Variants in NLRP5 observed in about 807,000 individuals in gnomAD.
NLRP5 encodes NACHT, LRR and PYD domains-containing protein 5.
Under a neutral mutation model 113.1 loss-of-function variants are expected in NLRP5, and 93 were observed. The observed-to-expected ratio is 0.82, with a 90% CI of 0.70 to 0.98. The LOEUF (loss-of-function observed/expected upper bound fraction) is 0.98, where lower values mean the gene tolerates loss of function less well. NLRP5 is among the 50% of genes least tolerant of loss of function. The pLI is 0.00. For missense variants in NLRP5, 1,808 were observed against 1,514.3 expected (o/e 1.19, Z -3.22); for synonymous variants, 751 against 600.7 (o/e 1.25, Z -3.66).
chr19:55,991,518 AG>A, the NLRP5 span, among the ~76,000 whole-genome samples: 16 of 151,536 alleles, frequency 1.1e-4, no homozygotes, highest in Middle Eastern at 6.8e-3. Flanking sequence ...CGCATTTTAA[AG>A]CTCTCAAAAC....
chr19:56,010,620 G>A (rs1482652288), intron 3 of NLRP5, among the ~76,000 whole-genome samples: 4 of 151,502 alleles, frequency 2.6e-5, no homozygotes, highest in Non-Finnish European at 5.9e-5. Context: ...AGGCGTGGTG[G>A]CATGTGCCCG....
the NLRP5 span, among the ~76,000 whole-genome samples, chr19:55,991,552 T>C: frequency 1.3e-5 from 2 of 152,226 alleles, no homozygotes; most frequent in Admixed American, 6.5e-5. Context: ...TTCTAAATTA[T>C]GCATGTTTTA....
At chr19:56,017,318 T>C (rs146076287) in intron 4 of NLRP5, among the ~76,000 whole-genome samples, 2 of 151,832 alleles carry the variant, frequency 1.3e-5, no homozygotes, top group African/African-American at 4.9e-5. Context: ...TCTGCCTGTT[T>C]TGGGGTGAGT....
intron 14 of NLRP5, among the ~76,000 whole-genome samples, chr19:56,059,691 C>A (rs562278424): frequency 6.6e-6 from 1 of 152,090 alleles, no homozygotes; most frequent in East Asian, 1.9e-4. Flanking sequence ...CGTGCCACCA[C>A]GCCCAGCTAA....
chr19:56,003,253 G>A (rs1981725626), intron 1 of NLRP5, among the ~76,000 whole-genome samples: 1 of 152,202 alleles, frequency 6.6e-6, no homozygotes, highest in South Asian at 2.1e-4. Context: ...CCAGATTCAA[G>A]CGATTCTCCT....
chr19:56,026,640 G>A (rs1159909854), intron 6 of NLRP5, among the ~76,000 whole-genome samples: 1 of 150,370 alleles, frequency 6.7e-6, no homozygotes, highest in Non-Finnish European at 1.5e-5. Context: ...GTGCAGTGGT[G>A]TAATCTCAGC....
intron 6 of NLRP5, among the ~76,000 whole-genome samples, chr19:56,025,486 A>G (rs957438028): frequency 1.3e-4 from 20 of 151,932 alleles, no homozygotes; most frequent in African/African-American, 4.8e-4. Context: ...GCTCGCTGCA[A>G]GCTCCACCTT....
chr19:56,024,355 A>C (rs1015613999), intron 6 of NLRP5, among the ~76,000 whole-genome samples: 2 of 142,928 alleles, frequency 1.4e-5, no homozygotes, highest in South Asian at 4.5e-4. Flanking sequence ...AAAAAAAAAA[A>C]AGAACAAATA....
the NLRP5 span, among the ~76,000 whole-genome samples, chr19:55,987,255 A>G: frequency 6.6e-6 from 1 of 152,168 alleles, no homozygotes; most frequent in Non-Finnish European, 1.5e-5. Context: ...CTATAATCCC[A>G]CCTTCTAGGG....
At chr19:56,025,546 C>T (rs1172886751) in intron 6 of NLRP5, among the ~76,000 whole-genome samples, 4 of 150,130 alleles carry the variant, frequency 2.7e-5, no homozygotes, top group Non-Finnish European at 5.9e-5. Context: ...GCTGGCATTA[C>T]AGGCGCCCGC....
chr19:56,021,654 C>T (rs554501059), intron 6 of NLRP5, among the ~76,000 whole-genome samples: 3 of 152,180 alleles, frequency 2.0e-5, no homozygotes, highest in South Asian at 2.1e-4. Context: ...ATCAGCACTT[C>T]GTTTTTGTTG....
At chr19:55,992,674 G>C in the NLRP5 span, among the ~76,000 whole-genome samples, 1 of 152,114 alleles carries the variant, frequency 6.6e-6, no homozygotes, top group African/African-American at 2.4e-5. Context: ...ATTGTCTACA[G>C]CTACTTTCCC....
intron 3 of NLRP5, among the ~76,000 whole-genome samples, chr19:56,009,731 T>C (rs62120413): frequency 0.39 from 58,978 of 151,964 alleles, 11,637 homozygotes; most frequent in Admixed American, 0.42. Flanking sequence ...CCTGCGCCGC[T>C]ACCATCTTGC....
chr19:56,046,399 C>CGTGTGTGTGTGTGTGTGT (rs139653516), intron 11 of NLRP5, among the ~76,000 whole-genome samples: 1,839 of 148,150 alleles, frequency 0.012, 21 homozygotes, highest in African/African-American at 0.022. Context: ...TTTGTAGTTT[C>CGTGTGTGTGTGTGTGTGT]GTGTGTGTGT....
intron 13 of NLRP5, among the ~76,000 whole-genome samples, chr19:56,057,818 G>A (rs964196303): frequency 6.6e-6 from 1 of 152,092 alleles, no homozygotes; most frequent in Admixed American, 6.5e-5. Context: ...GTGAGGTCAG[G>A]AGTTCAAGAC....
chr19:56,033,707 G>A lies in NLRP5; in HGVS notation c.2613G>A (p.Leu871=). 1 of 1,611,682 alleles carries A rather than the reference G, an allele frequency of 6.2e-7. No individual in the cohort carries two copies. Among genetic ancestry groups the A allele is most frequent in the Non-Finnish European group, 8.5e-7 (1 of 1,178,590 alleles). Residue 871 remains leucine (L), a splice_region_variant and synonymous_variant, in exon 9 of 15, where the codon TTG becomes TTA. Coordinates refer to ENST00000390649, the MANE Select transcript of NLRP5 (RefSeq NM_153447.4). ...ACCCAAAATGTTTGTTGGAGTCTTT[G>A]AGGTACGTCTCTGGTAGAGCTTTTG...
chr19:56,023,528 C>T (rs1462964448), intron 6 of NLRP5, among the ~76,000 whole-genome samples: 1 of 152,148 alleles, frequency 6.6e-6, no homozygotes, highest in Non-Finnish European at 1.5e-5. Context: ...CTGAGCGGTG[C>T]GTTGAGTCCA....
At chr19:56,043,730 A>G (rs1021199219) in intron 11 of NLRP5, among the ~76,000 whole-genome samples, 9 of 149,870 alleles carry the variant, frequency 6.0e-5, no homozygotes, top group Admixed American at 4.0e-4. Context: ...CCACCACCAC[A>G]CCCGGCTAAT....
intron 10 of NLRP5, among the ~76,000 whole-genome samples, chr19:56,039,951 C>T (rs1983458166): frequency 6.6e-6 from 1 of 151,920 alleles, no homozygotes; most frequent in Non-Finnish European, 1.5e-5. Context: ...GCCTAAGGGT[C>T]ATGATGTGTT....
Sources: allele counts gnomAD v4.1 joint callset (sites outside exome capture counted in the v4.1 genomes callset), GRCh38; gene constraint gnomAD v4.1.1; transcripts MANE v1.5; gene names NCBI Gene and HGNC (gene_info 2026-07-23, HGNC 2026-07-21).